The following NDUFA8 variants were observed in gnomAD, a reference collection of about 807,000 sequenced individuals.
NDUFA8 encodes the protein NADH:ubiquinone oxidoreductase subunit A8, also known as NADH dehydrogenase [ubiquinone] 1 alpha subcomplex subunit 8.
NDUFA8 carries 16 observed loss-of-function variants against 20.9 expected under a neutral mutation model. The observed-to-expected ratio is 0.77, with a 90% CI of 0.52 to 1.16. The LOEUF is 1.16. Among genes scored for constraint, NDUFA8 ranks in the 50% most tolerant of loss-of-function variants. The probability of loss-of-function intolerance (pLI) is 0.00; values close to 1 mark genes in which losing one functional copy is unlikely to be tolerated. For missense variants in NDUFA8, 202 were observed against 216.4 expected (o/e 0.93, Z 0.42); for synonymous variants, 70 against 76.1 (o/e 0.92, Z 0.41).
intron 3 of NDUFA8, among the ~76,000 whole-genome samples, chr9:122,145,515 C>T (rs1241002045): frequency 6.6e-6 from 1 of 151,722 alleles, no homozygotes; most frequent in Non-Finnish European, 1.5e-5. Context: ...TCTTAAGTCA[C>T]CTCATGTAAA....
At chr9:122,144,447 G>A (rs979555666) in intron 3 of NDUFA8, 69 bp from the exon 4 acceptor site, 183 of 1,403,032 alleles carry the variant, frequency 1.3e-4, no homozygotes, top group African/African-American at 4.3e-4. Flanking sequence ...CCATCAATGC[G>A]CCTCCTGGTG....
the NDUFA8 span, among the ~76,000 whole-genome samples, chr9:122,138,868 G>GT: frequency 1.4e-5 from 2 of 143,230 alleles, no homozygotes; most frequent in African/African-American, 5.0e-5. Flanking sequence ...GAAGAGGTGG[G>GT]GGGGGGGCCA....
intron 2 of NDUFA8, among the ~76,000 whole-genome samples, chr9:122,151,175 T>C (rs1828990934): frequency 6.6e-6 from 1 of 152,160 alleles, no homozygotes; most frequent in African/African-American, 2.4e-5. Context: ...ATCTATTTTT[T>C]TTCTCTAACT....
chr9:122,157,680 G>A (rs1259868986), intron 1 of NDUFA8, among the ~76,000 whole-genome samples: 1 of 144,960 alleles, frequency 6.9e-6, no homozygotes, highest in Non-Finnish European at 1.5e-5. Flanking sequence ...CAGGGGGGTG[G>A]TTCGCCGGGG....
At chr9:122,150,289 T>C (rs1828973394) in intron 2 of NDUFA8, among the ~76,000 whole-genome samples, 1 of 151,758 alleles carries the variant, frequency 6.6e-6, no homozygotes, top group Non-Finnish European at 1.5e-5. Context: ...GGGTGCCCTA[T>C]AGTCCTAGCT....
the NDUFA8 span, among the ~76,000 whole-genome samples, chr9:122,134,990 C>A: frequency 2.6e-5 from 4 of 152,236 alleles, no homozygotes; most frequent in African/African-American, 9.6e-5. Context: ...GGCTTGGAAG[C>A]TGGGTGGATG....
At chr9:122,150,387 G>A (rs978369543) in intron 2 of NDUFA8, among the ~76,000 whole-genome samples, 40 of 144,414 alleles carry the variant, frequency 2.8e-4, no homozygotes, top group African/African-American at 9.5e-4. Flanking sequence ...CTCCAGCCTG[G>A]GCGACAGAGT....
intron 1 of NDUFA8, among the ~76,000 whole-genome samples, chr9:122,159,065 C>T (rs1432902272): frequency 6.6e-6 from 1 of 152,134 alleles, no homozygotes; most frequent in Non-Finnish European, 1.5e-5. Context: ...GTTATGTGTA[C>T]ACGTTAATTA....
Position 122,148,272 on chromosome 9 carries a change from A to G in NDUFA8, c.221T>C (p.Ile74Thr). 6.2e-7 allele frequency: 1 copy of G among 1,614,184 alleles called. No homozygotes were observed. Among genetic ancestry groups the G allele is most frequent in the Non-Finnish European group, 8.5e-7 (1 of 1,180,010 alleles). The stretch of plus-strand genomic sequence containing the variant: ...AAAAGGCTCTGCACAGTGACGTTTT[A>G]TCTGCCTGGAAAAGAAAGCTGGGTT... ...NKCALDFFRQIKRHCAEPFTE... is the reference protein window; with the variant it reads ...NKCALDFFRQTKRHCAEPFTE... Residue 74 changes from isoleucine (I) to threonine (T), a missense_variant, in exon 3 of 4, where the codon ATA becomes ACA. Ile to Thr is a moderately conservative substitution (Grantham distance 89, BLOSUM62 -1). Coordinates refer to ENST00000373768, the MANE Select transcript of NDUFA8 (RefSeq NM_014222.3).
At chr9:122,151,163 G>GT (rs1828990686) in intron 2 of NDUFA8, among the ~76,000 whole-genome samples, 1 of 152,126 alleles carries the variant, frequency 6.6e-6, no homozygotes, top group Non-Finnish European at 1.5e-5. Flanking sequence ...CTGTGCTAAG[G>GT]TATCTATTTT....
intron 1 of NDUFA8, among the ~76,000 whole-genome samples, chr9:122,157,657 C>T (rs1375230125): frequency 1.2e-5 from 1 of 85,152 alleles, no homozygotes; most frequent in Non-Finnish European, 2.0e-5. Context: ...AACCCAGCTA[C>T]ATGGGGTGGG....
At chr9:122,137,083 T>A in the NDUFA8 span, among the ~76,000 whole-genome samples, 2 of 152,002 alleles carry the variant, frequency 1.3e-5, no homozygotes, top group African/African-American at 4.8e-5. Flanking sequence ...GAAATTCAGA[T>A]CGAATTTGGC....
chr9:122,141,786 A>T (rs1434552726), downstream of NDUFA8, among the ~76,000 whole-genome samples: 1 of 152,172 alleles, frequency 6.6e-6, no homozygotes, highest in Non-Finnish European at 1.5e-5. Context: ...GACTTAAGAA[A>T]TTATTATATT....
At chr9:122,132,780 TG>T in the NDUFA8 span, among the ~76,000 whole-genome samples, 1 of 152,162 alleles carries the variant, frequency 6.6e-6, no homozygotes. Context: ...TGGGCTACGG[TG>T]ACCTGTGAGT....
At chr9:122,153,998 C>T (rs1829041065) in intron 1 of NDUFA8, among the ~76,000 whole-genome samples, 1 of 152,184 alleles carries the variant, frequency 6.6e-6, no homozygotes. Context: ...CTTGTTCTTT[C>T]CTCTCTGTAA....
At chr9:122,149,419 T>G (rs368406461) in intron 2 of NDUFA8, among the ~76,000 whole-genome samples, 6 of 152,312 alleles carry the variant, frequency 3.9e-5, no homozygotes, top group Admixed American at 1.3e-4. Flanking sequence ...AGTTTTATAT[T>G]CCTCCAAAAT....
In NDUFA8 at chr9:122,152,393, C is replaced by T; in HGVS notation, c.67G>A (p.Ala23Thr). The change falls in exon 2 of 4, where the codon GCT (alanine) becomes ACT (threonine). Residue 23 changes from alanine (A) to threonine (T), a missense_variant. Transcript: ENST00000373768. ...LKVDEVKISS[A>T]VLKAAAHHYG... ...TGATGGGCCGCAGCTTTAAGCACAG[C>T]AGAACTAATTTTCACCTAGGAAAGG... is the stretch of plus-strand genomic sequence containing the variant. The T allele has an allele frequency of 6.2e-7, 1 of 1,614,078 alleles. No homozygotes were observed. The highest frequency in any genetic ancestry group is 1.7e-5 in the Admixed American group (1 of 60,000).
chr9:122,140,483 A>G (rs1178409215), downstream of NDUFA8, among the ~76,000 whole-genome samples: 1 of 152,168 alleles, frequency 6.6e-6, no homozygotes, highest in Non-Finnish European at 1.5e-5. Context: ...TTCTACCTAC[A>G]AGTAATTTTT....
intron 2 of NDUFA8, among the ~76,000 whole-genome samples, chr9:122,150,410 C>CAAAAAA (rs60728190): frequency 7.6e-4 from 15 of 19,654 alleles, no homozygotes; most frequent in Non-Finnish European, 1.7e-3. Flanking sequence ...CACCCCATCA[C>CAAAAAA]AAAAAAAAAA....
Sources: gnomAD v4.1 joint callset for allele counts (sites outside exome capture counted in the v4.1 genomes callset) on GRCh38, gnomAD v4.1.1 for gene constraint, MANE v1.5 for transcripts, NCBI Gene and HGNC (gene_info 2026-07-23, HGNC 2026-07-21) for gene names.